TRPA1: variants seen among roughly 807,000 people sequenced by gnomAD.
TRPA1 encodes ankyrin-like with transmembrane domains 1.
TRPA1 carries 129 observed loss-of-function variants against 131.3 expected under a neutral mutation model. The observed-to-expected ratio is 0.98, with a 90% CI of 0.85 to 1.14. The LOEUF (loss-of-function observed/expected upper bound fraction) is 1.14, where lower values mean the gene tolerates loss of function less well. TRPA1 is among the 50% of genes most tolerant of loss of function. The probability of loss-of-function intolerance (pLI) is 0.00; values close to 1 mark genes in which losing one functional copy is unlikely to be tolerated. For synonymous variants in TRPA1, 441 were observed against 451.7 expected (o/e 0.98, Z 0.30); for missense variants, 1,304 against 1,354.2 (o/e 0.96, Z 0.58).
At chr8:72,089,978 T>A in the TRPA1 span, among the ~76,000 whole-genome samples, 1 of 152,114 alleles carries the variant, frequency 6.6e-6, no homozygotes, top group Admixed American at 6.6e-5. Flanking sequence ...ATCCTGTTTC[T>A]GATGTTACAC....
intron 18 of TRPA1, 44 bp downstream of exon 18, chr8:72,039,683 C>A: frequency 8.4e-7 from 1 of 1,192,422 alleles, no homozygotes; most frequent in Non-Finnish European, 1.3e-6. Flanking sequence ...TGTAATAGAT[C>A]CAATAGACAC....
intron 6 of TRPA1, among the ~76,000 whole-genome samples, chr8:72,062,465 A>T (rs941272727): frequency 1.3e-5 from 2 of 152,208 alleles, no homozygotes; most frequent in African/African-American, 4.8e-5. Context: ...AGTAGGACTA[A>T]AGCCAAATAC....
chr8:72,073,813 TC>T (rs1806116501), intron 1 of TRPA1, among the ~76,000 whole-genome samples: 1 of 152,246 alleles, frequency 6.6e-6, no homozygotes, highest in African/African-American at 2.4e-5. Context: ...AAGATACTAT[TC>T]CAGTGGTTGA....
In TRPA1 at chr8:72,057,708, T is replaced by A; in HGVS notation, c.1093+9A>T. On this transcript the variant is annotated intron_variant, in intron 9 of 26. Transcript: ENST00000262209. ...ACTTCAAAAGACTTGGCTTGTTCCC[T>A]CTTGGTACCTTTAGAGAGTAGCAAA... The A allele has an allele frequency of 6.2e-7, 1 of 1,608,924 alleles. No individual in the cohort carries two copies. Among genetic ancestry groups the A allele is most frequent in the South Asian group, 1.1e-5 (1 of 90,976 alleles).
intron 25 of TRPA1, among the ~76,000 whole-genome samples, chr8:72,025,127 TGTGTGTGTGC>T (rs953989515): frequency 1.8e-5 from 2 of 112,764 alleles, no homozygotes; most frequent in African/African-American, 5.3e-5. Context: ...TGTGTGTGTG[TGTGTGTGTGC>T]GTGCTATGTT....
In TRPA1 at chr8:72,043,266, A is replaced by G. The variant is rs1812317629; in HGVS notation, c.2061+3247T>C. 2.0e-5 allele frequency among the ~76,000 whole-genome samples: 3 copies of G among 151,662 alleles called. No homozygotes were observed. The South Asian group carries it at 6.2e-4, about 31-fold the overall frequency. On this transcript the variant is annotated intron_variant, in intron 17 of 26. Coordinates refer to ENST00000262209, the MANE Select transcript of TRPA1 (RefSeq NM_007332.3). Reference sequence around the variant, plus strand: ...TACACAGAAACACCCATGTTCAAAAACTCAAACGTAGTTATAGAAAAAGGG... The same window carrying G: ...TACACAGAAACACCCATGTTCAAAAGCTCAAACGTAGTTATAGAAAAAGGG...
chr8:72,069,005 G>T lies in TRPA1; in HGVS notation c.444+18C>A. 6.2e-7 allele frequency: 1 copy of T among 1,614,126 alleles called. No homozygotes were observed. Among genetic ancestry groups the T allele is most frequent in the Non-Finnish European group, 8.5e-7 (1 of 1,180,002 alleles). The stretch of plus-strand genomic sequence containing the variant: ...TGCACCGCCGGTCAGGCCCTTTGGA[G>T]CCGGCCAGTAGCCTTACCTTCATCA... On this transcript the variant is annotated intron_variant, in intron 3 of 26. Coordinates refer to ENST00000262209, the MANE Select transcript of TRPA1 (RefSeq NM_007332.3).
chr8:72,034,440 C>T, intron 21 of TRPA1, 63 bp from the exon 22 acceptor site: 1 of 1,094,020 alleles, frequency 9.1e-7, no homozygotes, highest in Non-Finnish European at 1.3e-6. Context: ...CATTCAGTGA[C>T]AATATTTATC....
At chr8:72,026,301 A>T (rs1043411524) in intron 24 of TRPA1, among the ~76,000 whole-genome samples, 2 of 152,256 alleles carry the variant, frequency 1.3e-5, no homozygotes, top group Non-Finnish European at 2.9e-5. Flanking sequence ...GAGTGGGAGA[A>T]GAAGGAGAGG....
chr8:72,032,171 C>T (rs892324153), intron 23 of TRPA1, among the ~76,000 whole-genome samples: 1 of 152,162 alleles, frequency 6.6e-6, no homozygotes, highest in Non-Finnish European at 1.5e-5. Context: ...CCTTTGCTTG[C>T]TATGCTGATG....
chr8:72,052,883 T>A, intron 13 of TRPA1, 118 bp from the exon 14 acceptor site: 1 of 1,167,928 alleles, frequency 8.6e-7, no homozygotes, highest in Non-Finnish European at 1.2e-6. Context: ...ACATAGCACT[T>A]AAAACTGGTG....
Position 72,052,851 on chromosome 8 carries a change from C to T in TRPA1, c.1645-86G>A, listed in dbSNP as rs1047509032. ...TGCTTAACTGCTTAAAAGACATTAGCGACACTATTTAATACCAAAATACAT... is the reference window on the plus strand; with the variant it reads ...TGCTTAACTGCTTAAAAGACATTAGTGACACTATTTAATACCAAAATACAT... On this transcript the variant is annotated intron_variant, in intron 13 of 26. Transcript: ENST00000262209. 3.8e-5 allele frequency: 57 copies of T among 1,502,628 alleles called. No individual in the cohort carries two copies. In the South Asian group the frequency reaches 5.2e-4, roughly 14 times the overall value. 93.1% of individuals were successfully genotyped at this position (1,502,628 alleles called of 1,614,324 possible).
intron 23 of TRPA1, among the ~76,000 whole-genome samples, chr8:72,032,400 C>T (rs1265595562): frequency 1.3e-5 from 2 of 152,034 alleles, no homozygotes; most frequent in Non-Finnish European, 2.9e-5. Context: ...ATGTGACAGC[C>T]AAAGAATTAT....
chr8:72,051,575 T>C (rs939480283), intron 14 of TRPA1, among the ~76,000 whole-genome samples: 5 of 152,192 alleles, frequency 3.3e-5, no homozygotes, highest in African/African-American at 1.2e-4. Flanking sequence ...AACACTTTCA[T>C]TAAAAGTGCT....
chr8:72,054,702 C>T (rs1036503951), intron 12 of TRPA1: 1 of 152,302 alleles, frequency 6.6e-6, no homozygotes, highest in Non-Finnish European at 1.5e-5. Context: ...AACATTCATT[C>T]ATGTAGCTGT....
At chr8:72,062,064 T>C (rs1184086431) in intron 6 of TRPA1, among the ~76,000 whole-genome samples, 3 of 152,196 alleles carry the variant, frequency 2.0e-5, no homozygotes, top group Admixed American at 6.5e-5. Context: ...GAGAACAATG[T>C]CCCATTCATT....
intron 15 of TRPA1, among the ~76,000 whole-genome samples, chr8:72,050,460 A>G (rs1285668800): frequency 6.6e-6 from 1 of 152,188 alleles, no homozygotes; most frequent in Non-Finnish European, 1.5e-5. Context: ...CACATTTGAA[A>G]CAACAATAGC....
At chr8:72,043,071 A>C (rs2129434340) in intron 17 of TRPA1, among the ~76,000 whole-genome samples, 1 of 151,974 alleles carries the variant, frequency 6.6e-6, no homozygotes. Flanking sequence ...TTTTTACCAC[A>C]AGTAAAAAAG....
At position 72,023,001 on chromosome 8, in the gene TRPA1, C is replaced by G. The variant is rs373431754; in HGVS notation, c.3265G>C (p.Asp1089His). The change falls in exon 27 of 27, where the codon GAC becomes CAC. Residue 1089 changes from aspartate (D) to histidine (H), a missense_variant. Physicochemically the swap from Asp to His is moderately conservative, Grantham distance 81 (BLOSUM62 -1). Coordinates refer to ENST00000262209, the MANE Select transcript of TRPA1 (RefSeq NM_007332.3). ...EDDDSHCSFQ[D>H]RFKKEQMEQR... ...TCCATCTGCTCTTTCTTAAACCTGT[C>G]TTGAAAAGAACAATGGCTATCATCA... is the stretch of plus-strand genomic sequence containing the variant. 3.7e-6 allele frequency: 6 copies of G among 1,613,734 alleles called. No homozygotes were observed. In the Middle Eastern group the frequency reaches 4.9e-4, roughly 133 times the overall value.
Sources: allele counts gnomAD v4.1 joint callset (sites outside exome capture counted in the v4.1 genomes callset), GRCh38; gene constraint gnomAD v4.1.1; transcripts MANE v1.5; gene names NCBI Gene and HGNC (gene_info 2026-07-23, HGNC 2026-07-21).